CTNNA3: variants seen among roughly 807,000 people sequenced by gnomAD.
CTNNA3 encodes the protein catenin alpha-3.
In CTNNA3, 76 loss-of-function variants were observed where a neutral mutation model predicts 95.7. That is an observed-to-expected ratio of 0.79 (90% CI 0.66 to 0.96). CTNNA3 has a LOEUF of 0.96. CTNNA3 is among the 40% of genes least tolerant of loss of function. CTNNA3 has a pLI of 0.00. For synonymous variants in CTNNA3, 431 were observed against 374.4 expected (o/e 1.15, Z -1.74); for missense variants, 1,191 against 1,089.8 (o/e 1.09, Z -1.31).
intron 6 of CTNNA3, among the ~76,000 whole-genome samples, chr10:67,205,851 T>A (rs1054381870): frequency 1.3e-5 from 2 of 152,194 alleles, no homozygotes; most frequent in African/African-American, 4.8e-5. Flanking sequence ...CTTGTCATGG[T>A]GAGTCTTTCT....
chr10:66,751,523 G>A (rs1011517964), intron 9 of CTNNA3, among the ~76,000 whole-genome samples: 1 of 152,026 alleles, frequency 6.6e-6, no homozygotes, highest in African/African-American at 2.4e-5. Flanking sequence ...TACCTCATTG[G>A]ATTGTCCCAA....
chr10:66,823,875 T>C (rs1589295881), intron 7 of CTNNA3, among the ~76,000 whole-genome samples: 1 of 152,230 alleles, frequency 6.6e-6, no homozygotes, highest in East Asian at 1.9e-4. Flanking sequence ...AACCTAAGCA[T>C]ACACCATCCA....
chr10:66,671,442 C>G (rs1846658747), intron 9 of CTNNA3, among the ~76,000 whole-genome samples: 1 of 151,994 alleles, frequency 6.6e-6, no homozygotes, highest in African/African-American at 2.4e-5. Flanking sequence ...AATGAAGATA[C>G]TCAGTTAAAT....
rs143048612 is a variant in CTNNA3, at chr10:67,248,089, C to T, written c.580-28219G>A. On this transcript the variant is annotated intron_variant, in intron 5 of 17. Coordinates refer to ENST00000433211, the MANE Select transcript of CTNNA3 (RefSeq NM_013266.4). ...TAATCCCAACACTTTGGGAAGCTCA[C>T]GGCAGGTGGATCACTTGAGTCCAGG... 4.4e-3 allele frequency among the ~76,000 whole-genome samples: 671 copies of T among 152,214 alleles called. 1 individual carries two copies. The highest frequency in any genetic ancestry group is 6.4e-3 in the Non-Finnish European group (433 of 68,026).
intron 16 of CTNNA3, among the ~76,000 whole-genome samples, chr10:65,978,177 A>G (rs554688970): frequency 1.3e-4 from 20 of 152,168 alleles, no homozygotes; most frequent in African/African-American, 4.6e-4. Flanking sequence ...AAATGTTTCA[A>G]TGCAGATTCC....
intron 7 of CTNNA3, among the ~76,000 whole-genome samples, chr10:66,901,855 C>T (rs1191773577): frequency 6.6e-6 from 1 of 152,180 alleles, no homozygotes; most frequent in Non-Finnish European, 1.5e-5. Flanking sequence ...GCACCCAATA[C>T]AGGAGCACCC....
intron 11 of CTNNA3, among the ~76,000 whole-genome samples, chr10:66,497,771 C>G (rs1017538077): frequency 6.6e-6 from 1 of 151,998 alleles, no homozygotes; most frequent in Non-Finnish European, 1.5e-5. Flanking sequence ...GGCCAATAAC[C>G]AGACAAATAA....
intron 7 of CTNNA3, among the ~76,000 whole-genome samples, chr10:67,048,676 C>G (rs1027008054): frequency 1.3e-5 from 2 of 152,042 alleles, no homozygotes; most frequent in African/African-American, 4.8e-5. Context: ...CACTACATAG[C>G]TCTCACAGTA....
intron 7 of CTNNA3, among the ~76,000 whole-genome samples, chr10:67,129,971 A>G (rs1859911717): frequency 6.6e-6 from 1 of 152,160 alleles, no homozygotes; most frequent in South Asian, 2.1e-4. Flanking sequence ...TCCATATAGA[A>G]GCATACTTAG....
chr10:67,137,470 A>C (rs1360305417), intron 7 of CTNNA3, among the ~76,000 whole-genome samples: 2 of 152,158 alleles, frequency 1.3e-5, no homozygotes. Context: ...ATAGTTACTC[A>C]ATTTCATATC....
intron 5 of CTNNA3, among the ~76,000 whole-genome samples, chr10:67,293,966 G>T (rs1236772788): frequency 6.6e-6 from 1 of 152,032 alleles, no homozygotes; most frequent in Non-Finnish European, 1.5e-5. Flanking sequence ...GAATAGTGCT[G>T]CAATAAACAT....
chr10:67,315,935 T>C (rs1841030924), intron 5 of CTNNA3, among the ~76,000 whole-genome samples: 1 of 152,116 alleles, frequency 6.6e-6, no homozygotes, highest in African/African-American at 2.4e-5. Context: ...CATCACTACA[T>C]TAGAATAGAA....
chr10:67,072,647 G>T (rs2131852351), intron 7 of CTNNA3, among the ~76,000 whole-genome samples: 1 of 152,272 alleles, frequency 6.6e-6, no homozygotes, highest in South Asian at 2.1e-4. Context: ...ATACTTGTAA[G>T]CCATGACACT....
intron 13 of CTNNA3, among the ~76,000 whole-genome samples, chr10:66,265,072 C>T (rs182055492): frequency 6.6e-6 from 1 of 152,108 alleles, no homozygotes; most frequent in Admixed American, 6.6e-5. Context: ...TACTTATCAC[C>T]ACAATCCAAC....
intron 9 of CTNNA3, among the ~76,000 whole-genome samples, chr10:66,724,853 C>T (rs1848732924): frequency 6.6e-6 from 1 of 152,070 alleles, no homozygotes; most frequent in African/African-American, 2.4e-5. Flanking sequence ...GTATATGTAA[C>T]CTACCATATC....
chr10:67,685,444 C>T (rs765842683), intron 1 of CTNNA3, among the ~76,000 whole-genome samples: 14 of 152,212 alleles, frequency 9.2e-5, no homozygotes, highest in Non-Finnish European at 1.8e-4. Context: ...TTCCCTTAAT[C>T]GCCCAGGAGG....
chr10:66,833,065 T>A (rs548360087), intron 7 of CTNNA3, among the ~76,000 whole-genome samples: 2 of 152,212 alleles, frequency 1.3e-5, no homozygotes, highest in East Asian at 3.8e-4. Context: ...TTTATATCCA[T>A]GTTATATTTT....
intron 5 of CTNNA3, among the ~76,000 whole-genome samples, chr10:67,399,984 A>G (rs1466644453): frequency 1.3e-5 from 2 of 152,100 alleles, no homozygotes; most frequent in East Asian, 1.9e-4. Flanking sequence ...TTTGTTACAT[A>G]TGTATACATG....
intron 7 of CTNNA3, among the ~76,000 whole-genome samples, chr10:67,002,681 A>G (rs992527793): frequency 3.3e-5 from 5 of 152,096 alleles, no homozygotes; most frequent in Non-Finnish European, 5.9e-5. Flanking sequence ...CTTGTTTATA[A>G]AACTTGTTTC....
Sources: allele counts gnomAD v4.1 joint callset (sites outside exome capture counted in the v4.1 genomes callset), GRCh38; gene constraint gnomAD v4.1.1; transcripts MANE v1.5; gene names NCBI Gene and HGNC (gene_info 2026-07-23, HGNC 2026-07-21).